The following CHRM3 variants were observed in gnomAD, a reference collection of about 807,000 sequenced individuals.
The protein encoded by CHRM3 is muscarinic acetylcholine receptor M3.
In CHRM3, 11 loss-of-function variants were observed where a neutral mutation model predicts 41.8. The ratio of observed to expected loss-of-function variants is 0.26; its 90% confidence interval spans 0.17 to 0.44. The LOEUF (loss-of-function observed/expected upper bound fraction) is 0.44, where lower values mean the gene tolerates loss of function less well. CHRM3 is among the 20% of genes least tolerant of loss of function. CHRM3 has a pLI of 1.00. For missense variants in CHRM3, 571 were observed against 745.4 expected, an observed-to-expected ratio of 0.77 and a Z score of 2.72; for synonymous variants, 297 against 301.4, an observed-to-expected ratio of 0.99 and a Z score of 0.15.
intron 2 of CHRM3, among the ~76,000 whole-genome samples, chr1:239,534,462 A>G (rs1323166271): frequency 6.6e-6 from 1 of 152,232 alleles, no homozygotes; most frequent in African/African-American, 2.4e-5. Context: ...GAACTGGGAT[A>G]TGGATCGCTG....
chr1:239,436,181 A>G (rs1003551348), intron 1 of CHRM3, among the ~76,000 whole-genome samples: 2 of 152,140 alleles, frequency 1.3e-5, no homozygotes, highest in Non-Finnish European at 2.9e-5. Flanking sequence ...ATTATAGAAG[A>G]CAGTAAGGTT....
chr1:239,522,500 C>A (rs1242477127), intron 2 of CHRM3, among the ~76,000 whole-genome samples: 2 of 152,186 alleles, frequency 1.3e-5, no homozygotes, highest in African/African-American at 4.8e-5. Context: ...CCAAACAAAA[C>A]CATGAAGGAT....
intron 1 of CHRM3, among the ~76,000 whole-genome samples, chr1:239,462,305 T>G (rs116475643): frequency 0.011 from 1,620 of 152,250 alleles, 22 homozygotes; most frequent in African/African-American, 0.037. Flanking sequence ...GTAGAAAATG[T>G]CCCTGGGTTA....
intron 2 of CHRM3, among the ~76,000 whole-genome samples, chr1:239,513,407 C>T (rs1278430081): frequency 6.6e-6 from 1 of 152,090 alleles, no homozygotes; most frequent in Admixed American, 6.6e-5. Context: ...TACAGGCTTA[C>T]TTGCCATCTG....
chr1:239,464,710 A>G (rs1013269796), intron 1 of CHRM3, among the ~76,000 whole-genome samples: 12 of 152,140 alleles, frequency 7.9e-5, no homozygotes, highest in Non-Finnish European at 1.5e-4. Context: ...ACCAATTTCC[A>G]GTCCTGGGCC....
chr1:239,796,065 A>G (rs1342834939), intron 5 of CHRM3, among the ~76,000 whole-genome samples: 2 of 152,204 alleles, frequency 1.3e-5, no homozygotes, highest in Non-Finnish European at 2.9e-5. Context: ...CAAAATGCTG[A>G]AACTCCTGTT....
intron 2 of CHRM3, among the ~76,000 whole-genome samples, chr1:239,531,288 A>G (rs1670384545): frequency 1.3e-5 from 2 of 152,218 alleles, no homozygotes; most frequent in African/African-American, 4.8e-5. Flanking sequence ...GCAGTGTGAT[A>G]TTAGCATAAA....
chr1:239,681,473 C>G (rs965250513), intron 5 of CHRM3, among the ~76,000 whole-genome samples: 33 of 152,194 alleles, frequency 2.2e-4, no homozygotes, highest in African/African-American at 7.7e-4. Flanking sequence ...CAACATGAAA[C>G]CATCAGTGTT....
chr1:239,639,693 A>G (rs933720232), intron 4 of CHRM3, among the ~76,000 whole-genome samples: 4 of 151,844 alleles, frequency 2.6e-5, no homozygotes, highest in Non-Finnish European at 5.9e-5. Flanking sequence ...TAGATATACA[A>G]TCATGTTGTC....
intron 6 of CHRM3, among the ~76,000 whole-genome samples, chr1:239,899,279 G>T (rs1439827023): frequency 7.9e-6 from 1 of 126,344 alleles, no homozygotes; most frequent in African/African-American, 4.1e-5. Flanking sequence ...TGAACTCAGT[G>T]TGTGTGTGTG....
intron 4 of CHRM3, among the ~76,000 whole-genome samples, chr1:239,643,145 C>T (rs930247658): frequency 2.0e-5 from 3 of 152,102 alleles, no homozygotes; most frequent in African/African-American, 7.2e-5. Context: ...CAGAGGAGTA[C>T]CTGGCAGTGT....
intron 5 of CHRM3, among the ~76,000 whole-genome samples, chr1:239,820,723 T>G (rs1572398592): frequency 1.3e-5 from 2 of 152,190 alleles, no homozygotes; most frequent in Middle Eastern, 3.4e-3. Context: ...ACAAAACAGG[T>G]GACCAAAAGT....
intron 4 of CHRM3, among the ~76,000 whole-genome samples, chr1:239,640,041 G>A (rs954861679): frequency 1.3e-5 from 2 of 151,970 alleles, no homozygotes; most frequent in Non-Finnish European, 2.9e-5. Context: ...TTTGTCTTTG[G>A]TTTCTGTTTA....
At chr1:239,828,225 GAC>G (rs938995315) in intron 6 of CHRM3, among the ~76,000 whole-genome samples, 11 of 151,756 alleles carry the variant, frequency 7.2e-5, no homozygotes, top group Admixed American at 6.6e-4. Flanking sequence ...TACATACATA[GAC>G]ACACATAGTT....
At chr1:239,795,988 C>A (rs1669734055) in intron 5 of CHRM3, among the ~76,000 whole-genome samples, 1 of 152,128 alleles carries the variant, frequency 6.6e-6, no homozygotes, top group Non-Finnish European at 1.5e-5. Flanking sequence ...CATTTACATT[C>A]TGGCTTGGGG....
At chr1:239,405,971 A>G (rs1660561379) in intron 1 of CHRM3, among the ~76,000 whole-genome samples, 1 of 152,086 alleles carries the variant, frequency 6.6e-6, no homozygotes, top group South Asian at 2.1e-4. Context: ...CAATCACTGC[A>G]ACCTCCGCCT....
At chr1:239,882,987 C>G (rs552341964) in intron 6 of CHRM3, among the ~76,000 whole-genome samples, 2 of 152,200 alleles carry the variant, frequency 1.3e-5, no homozygotes, top group Non-Finnish European at 2.9e-5. Context: ...TTTGAGGATC[C>G]TCTTGCTCCA....
intron 4 of CHRM3, among the ~76,000 whole-genome samples, chr1:239,661,091 C>T (rs894424329): frequency 6.6e-6 from 1 of 152,176 alleles, no homozygotes; most frequent in African/African-American, 2.4e-5. Flanking sequence ...CAGAAAGGTA[C>T]TGCTTGTACA....
chr1:239,618,568 G>T (rs546336105), intron 3 of CHRM3, among the ~76,000 whole-genome samples: 1 of 151,888 alleles, frequency 6.6e-6, no homozygotes, highest in South Asian at 2.1e-4. Flanking sequence ...AAGATGGCCG[G>T]GCGCGGTGGC....
Sources: allele counts gnomAD v4.1 joint callset (sites outside exome capture counted in the v4.1 genomes callset), GRCh38; gene constraint gnomAD v4.1.1; transcripts MANE v1.5; gene names NCBI Gene and HGNC (gene_info 2026-07-23, HGNC 2026-07-21).